The following ARHGEF3 variants were observed in gnomAD, a reference collection of about 807,000 sequenced individuals.
ARHGEF3 encodes Rho guanine nucleotide exchange factor 3.
A neutral mutation model predicts 63.2 loss-of-function variants in ARHGEF3; 28 were observed. That is an observed-to-expected ratio of 0.44 (90% confidence interval 0.33 to 0.61). The LOEUF is 0.61. Ranked by LOEUF, ARHGEF3 falls within the 20% of genes least tolerant of loss-of-function variation. ARHGEF3 has a pLI of 0.03. For synonymous variants in ARHGEF3, 266 were observed against 254.2 expected (o/e 1.05, Z -0.44); for missense variants, 533 against 659.3 (o/e 0.81, Z 2.10).
rs372571001 is a variant in ARHGEF3, at chr3:56,866,504, T to C, written c.192+15788A>G. On this transcript the variant is annotated intron_variant, in intron 4 of 12. Transcript: ENST00000338458. The stretch of plus-strand genomic sequence containing the variant: ...CAGCAGGGAGAACCTGGCACATTCC[T>C]ACCTCCAACAATGCTGGGTCTCCTC... Among the ~76,000 whole-genome samples the C allele has an allele frequency of 9.2e-5, 14 of 152,312 alleles. 2 individuals are homozygous for C. Among genetic ancestry groups the C allele is most frequent in the Admixed American group, 5.9e-4 (9 of 15,302 alleles).
At chr3:57,052,824 C>T (rs1158341904) in intron 1 of ARHGEF3, among the ~76,000 whole-genome samples, 1 of 152,134 alleles carries the variant, frequency 6.6e-6, no homozygotes, top group Admixed American at 6.5e-5. Flanking sequence ...GCAGGAGTAC[C>T]CAAGCAGAAA....
intron 3 of ARHGEF3, among the ~76,000 whole-genome samples, chr3:56,934,485 C>A (rs1262375096): frequency 6.6e-6 from 1 of 151,882 alleles, no homozygotes; most frequent in East Asian, 1.9e-4. Context: ...CGAGTGGGAA[C>A]TGGGGCTGCG....
At chr3:57,001,415 C>T (rs186590366) in intron 2 of ARHGEF3, among the ~76,000 whole-genome samples, 19 of 152,342 alleles carry the variant, frequency 1.2e-4, no homozygotes, top group Middle Eastern at 6.8e-3. Context: ...GTACAAACAA[C>T]GCTTCAATAA....
intron 3 of ARHGEF3, among the ~76,000 whole-genome samples, chr3:56,886,190 T>C (rs375651628): frequency 2.0e-5 from 3 of 152,352 alleles, no homozygotes; most frequent in South Asian, 4.1e-4. Flanking sequence ...TGGGTTTTGG[T>C]TGACCTTTTC....
chr3:56,881,388 TG>T (rs970565351), intron 4 of ARHGEF3, among the ~76,000 whole-genome samples: 1 of 152,144 alleles, frequency 6.6e-6, no homozygotes. Flanking sequence ...GTGCAGATGA[TG>T]AACTGACAAG....
chr3:56,782,518 G>A (rs937752267), intron 1 of ARHGEF3, among the ~76,000 whole-genome samples: 5 of 152,114 alleles, frequency 3.3e-5, no homozygotes, highest in African/African-American at 7.2e-5. Context: ...TTCTCCGGCC[G>A]TGAGTTTGGT....
chr3:56,856,080 T>C (rs2108166795), intron 4 of ARHGEF3, among the ~76,000 whole-genome samples: 1 of 152,256 alleles, frequency 6.6e-6, no homozygotes, highest in Admixed American at 6.5e-5. Flanking sequence ...GAGGAAGATG[T>C]GGGGCCAGGG....
At chr3:56,795,653 C>CTTTTTTT (rs1324495358) in intron 1 of ARHGEF3, among the ~76,000 whole-genome samples, 17 of 69,264 alleles carry the variant, frequency 2.5e-4, no homozygotes, top group African/African-American at 1.0e-3. Flanking sequence ...CAGTCTCTCT[C>CTTTTTTT]TCTTTTTTTT....
intron 1 of ARHGEF3, among the ~76,000 whole-genome samples, chr3:56,797,249 C>T (rs1289727537): frequency 6.6e-6 from 1 of 152,104 alleles, no homozygotes; most frequent in Non-Finnish European, 1.5e-5. Context: ...TAGTCAATGC[C>T]CTTGAACAGC....
chr3:56,764,950 T>C (rs1156459089), intron 2 of ARHGEF3, among the ~76,000 whole-genome samples: 1 of 151,748 alleles, frequency 6.6e-6, no homozygotes, highest in African/African-American at 2.4e-5. Flanking sequence ...AGAGACGGGG[T>C]TTCACCATCT....
chr3:57,044,853 T>C (rs1013355648), intron 1 of ARHGEF3, among the ~76,000 whole-genome samples: 3 of 152,204 alleles, frequency 2.0e-5, no homozygotes, highest in Non-Finnish European at 4.4e-5. Context: ...CCAAAAGGTA[T>C]TCCAATTTCA....
intron 1 of ARHGEF3, among the ~76,000 whole-genome samples, chr3:56,788,126 G>C (rs976803411): frequency 6.6e-6 from 1 of 152,154 alleles, no homozygotes; most frequent in African/African-American, 2.4e-5. Context: ...CAGAATCTTA[G>C]TGAGCCCAGG....
chr3:56,914,916 GGATGGTGGT>G (rs1276112479), intron 3 of ARHGEF3, among the ~76,000 whole-genome samples: 26 of 152,072 alleles, frequency 1.7e-4, no homozygotes, highest in Non-Finnish European at 3.4e-4. Flanking sequence ...TTCTGGAGAT[GGATGGTGGT>G]GATGGTTGCA....
At chr3:56,995,995 T>C (rs1430279169) in intron 2 of ARHGEF3, among the ~76,000 whole-genome samples, 1 of 152,180 alleles carries the variant, frequency 6.6e-6, no homozygotes, top group Non-Finnish European at 1.5e-5. Context: ...CCTGGGGGAT[T>C]GGAACACAAG....
At chr3:56,826,817 A>G (rs192759347) in intron 4 of ARHGEF3, among the ~76,000 whole-genome samples, 1 of 152,350 alleles carries the variant, frequency 6.6e-6, no homozygotes, top group East Asian at 1.9e-4. Context: ...TGGTACCAAT[A>G]AATCTGCTTT....
intron 4 of ARHGEF3, among the ~76,000 whole-genome samples, chr3:56,859,192 T>C (rs1228430943): frequency 6.6e-6 from 1 of 152,108 alleles, no homozygotes; most frequent in African/African-American, 2.4e-5. Flanking sequence ...GGATGGAGTG[T>C]AGCGGTGTGA....
upstream of ARHGEF3, among the ~76,000 whole-genome samples, chr3:56,806,186 T>C (rs868188163): frequency 3.9e-5 from 6 of 152,162 alleles, no homozygotes; most frequent in African/African-American, 7.2e-5. Flanking sequence ...CATTGACAGA[T>C]TGGGGTTTTA....
At chr3:56,906,339 A>G (rs1033749307) in intron 3 of ARHGEF3, among the ~76,000 whole-genome samples, 2 of 152,216 alleles carry the variant, frequency 1.3e-5, no homozygotes, top group African/African-American at 4.8e-5. Flanking sequence ...CTGTCGTCAC[A>G]AGAAGCACTT....
Position 57,055,162 on chromosome 3 carries a change from G to GT in ARHGEF3, c.-27-19987_-27-19986insA, listed in dbSNP as rs1560165562. Among the ~76,000 whole-genome samples the GT allele has an allele frequency of 2.7e-4, 38 of 139,802 alleles. 1 individual carries two copies. Among genetic ancestry groups the GT allele is most frequent in the African/African-American group, 9.6e-4 (36 of 37,412 alleles). The allele number at this position is 139,802 out of a possible 152,430, so 91.7% of individuals were successfully genotyped here. On this transcript the variant is annotated intron_variant, in intron 1 of 12. Transcript: ENST00000338458. ...ATGATTTATAAGCTTTTCTCTTTAT[G>GT]CTTTTTTTTTTTTTTTTGAGACGAA...
Sources: gnomAD v4.1 joint callset for allele counts (sites outside exome capture counted in the v4.1 genomes callset) on GRCh38, gnomAD v4.1.1 for gene constraint, MANE v1.5 for transcripts, NCBI Gene and HGNC (gene_info 2026-07-23, HGNC 2026-07-21) for gene names.